STEAP1B: variants seen among roughly 807,000 people sequenced by gnomAD.
STEAP1B encodes STEAP family member 1B.
In STEAP1B, 13 loss-of-function variants were observed where a neutral mutation model predicts 27.9. The ratio of observed to expected loss-of-function variants is 0.47; its 90% CI spans 0.30 to 0.74. The LOEUF (loss-of-function observed/expected upper bound fraction) is 0.74. STEAP1B is among the 30% of genes least tolerant of loss of function. The probability of loss-of-function intolerance (pLI) is 0.06; values close to 1 mark genes in which losing one functional copy is unlikely to be tolerated. For synonymous variants in STEAP1B, 86 were observed against 107.1 expected (o/e 0.80, Z 1.22); for missense variants, 250 against 298.7 (o/e 0.84, Z 1.20).
At chr7:22,487,796 A>C in intron 4 of STEAP1B, among the ~76,000 whole-genome samples, 1 of 140,982 alleles carries the variant, frequency 7.1e-6, no homozygotes, top group Non-Finnish European at 1.5e-5. Context: ...CAAGAGCAAA[A>C]CTCCACCCAA....
chr7:22,425,691 T>C (rs1785096812), intron 4 of STEAP1B, among the ~76,000 whole-genome samples: 1 of 152,254 alleles, frequency 6.6e-6, no homozygotes, highest in Admixed American at 6.5e-5. Flanking sequence ...TACCAATGTT[T>C]ATATTCCAAC....
chr7:22,452,362 C>T (rs1348833006), intron 4 of STEAP1B, among the ~76,000 whole-genome samples: 1 of 152,114 alleles, frequency 6.6e-6, no homozygotes, highest in Non-Finnish European at 1.5e-5. Flanking sequence ...AAGAAAGTGA[C>T]CCCTCCCTTC....
chr7:22,423,390 G>A (rs755473511), intron 4 of STEAP1B, among the ~76,000 whole-genome samples: 1 of 152,152 alleles, frequency 6.6e-6, no homozygotes, highest in African/African-American at 2.4e-5. Flanking sequence ...GGACGAGTGA[G>A]TAAACATGGC....
At chr7:22,446,216 T>C (rs1255986872) in intron 4 of STEAP1B, among the ~76,000 whole-genome samples, 1 of 152,196 alleles carries the variant, frequency 6.6e-6, no homozygotes, top group Admixed American at 6.5e-5. Flanking sequence ...GGAACACTTG[T>C]TTATGAGGCA....
In STEAP1B at chr7:22,494,952, A is replaced by G. The variant is rs983734768; in HGVS notation, c.-31-66T>C. 9.5e-6 allele frequency: 8 copies of G among 842,090 alleles called. No individual in the cohort carries two copies. In the African/African-American group the frequency reaches 1.2e-4, roughly 13 times the overall value. The allele number at this position is 842,090 out of a possible 1,614,324, so 52.2% of individuals were successfully genotyped here. A position where few individuals can be genotyped will look rare whatever the true frequency, so the allele number is the denominator to read the frequency against. On this transcript the variant is annotated intron_variant, in intron 1 of 4. Transcript: ENST00000678116. ...TATGATGTGAATGTCTGATGTAACA[A>G]TATAAAAAATTTACTTGCTTAAAGA...
At chr7:22,441,927 C>T (rs62447133) in intron 4 of STEAP1B, among the ~76,000 whole-genome samples, 2,051 of 152,296 alleles carry the variant, frequency 0.013, 15 homozygotes, top group Middle Eastern at 0.027. Context: ...ATAAAACTAG[C>T]TTTAATTCTT....
At chr7:22,478,805 T>A (rs1786017515) in intron 4 of STEAP1B, among the ~76,000 whole-genome samples, 1 of 152,212 alleles carries the variant, frequency 6.6e-6, no homozygotes, top group Non-Finnish European at 1.5e-5. Context: ...TCTTGTTTTC[T>A]CAAATGCTTC....
chr7:22,430,608 G>T (rs1785171177), intron 4 of STEAP1B, among the ~76,000 whole-genome samples: 1 of 152,200 alleles, frequency 6.6e-6, no homozygotes. Context: ...GGAACCGTGG[G>T]CTGAGTCCAA....
chr7:22,476,440 C>A (rs1785973556), intron 4 of STEAP1B, among the ~76,000 whole-genome samples: 1 of 152,156 alleles, frequency 6.6e-6, no homozygotes, highest in Non-Finnish European at 1.5e-5. Flanking sequence ...CAATGGCTTG[C>A]AAGAGGCACG....
chr7:22,441,816 C>T (rs1344184239), intron 4 of STEAP1B, among the ~76,000 whole-genome samples: 1 of 152,264 alleles, frequency 6.6e-6, no homozygotes, highest in Non-Finnish European at 1.5e-5. Flanking sequence ...TTTGCACATA[C>T]TGCGGCTTCA....
chr7:22,430,237 T>A (rs1234568297), intron 4 of STEAP1B, among the ~76,000 whole-genome samples: 1 of 152,242 alleles, frequency 6.6e-6, no homozygotes, highest in Non-Finnish European at 1.5e-5. Flanking sequence ...GACTTCTCAC[T>A]GCTCTCACCT....
intron 4 of STEAP1B, among the ~76,000 whole-genome samples, chr7:22,476,154 G>T (rs759605686): frequency 6.6e-6 from 1 of 152,166 alleles, no homozygotes; most frequent in Admixed American, 6.5e-5. Context: ...GGCAGTTGGT[G>T]GGACAGAGTC....
At chr7:22,483,975 A>G (rs917184410) in intron 4 of STEAP1B, among the ~76,000 whole-genome samples, 1 of 152,220 alleles carries the variant, frequency 6.6e-6, no homozygotes, top group African/African-American at 2.4e-5. Context: ...GCAAGGCCCT[A>G]AAGTTCTTCA....
At chr7:22,427,740 A>G (rs962734536) in intron 4 of STEAP1B, among the ~76,000 whole-genome samples, 5 of 152,230 alleles carry the variant, frequency 3.3e-5, no homozygotes, top group Admixed American at 1.3e-4. Context: ...TGAAGTGAGT[A>G]ATAAATGTAC....
intron 1 of STEAP1B, 115 bp from the exon 2 acceptor site, chr7:22,495,001 T>C: frequency 1.9e-6 from 1 of 525,148 alleles, no homozygotes. Flanking sequence ...TAAAGTACAA[T>C]AAAAATTGAA....
chr7:22,473,088 T>C (rs963813335), intron 4 of STEAP1B, among the ~76,000 whole-genome samples: 13 of 152,006 alleles, frequency 8.6e-5, no homozygotes, highest in African/African-American at 2.9e-4. Flanking sequence ...AAAGGTGGAA[T>C]TGAGGAAAGA....
chr7:22,459,221 T>C (rs1352767665), intron 4 of STEAP1B, among the ~76,000 whole-genome samples: 3 of 152,256 alleles, frequency 2.0e-5, no homozygotes, highest in Admixed American at 6.5e-5. Context: ...TTCAATTTCA[T>C]GATTCTATCA....
chr7:22,485,934 A>G (rs1001913290), intron 4 of STEAP1B, among the ~76,000 whole-genome samples: 1 of 152,130 alleles, frequency 6.6e-6, no homozygotes, highest in Admixed American at 6.5e-5. Context: ...ACTCCACTTT[A>G]AGAACCACCG....
chr7:22,419,965 G>A, intron 4 of STEAP1B, 129 bp from the exon 5 acceptor site: 3 of 1,108,370 alleles, frequency 2.7e-6, no homozygotes, highest in Middle Eastern at 5.4e-4. Flanking sequence ...AGTCACCAGG[G>A]AGTCAGGGCA....
Sources: gnomAD v4.1 joint callset for allele counts (sites outside exome capture counted in the v4.1 genomes callset) on GRCh38, gnomAD v4.1.1 for gene constraint, MANE v1.5 for transcripts, NCBI Gene and HGNC (gene_info 2026-07-23, HGNC 2026-07-21) for gene names.